The following TRPM2 variants were observed in gnomAD, a reference collection of about 807,000 sequenced individuals.
TRPM2 encodes the protein transient receptor potential cation channel subfamily M member 2, also known as estrogen-responsive element-associated gene 1 protein.
In TRPM2, 161 loss-of-function variants were observed where a neutral mutation model predicts 174.0. The ratio of observed to expected loss-of-function variants is 0.93; its 90% CI spans 0.81 to 1.05. The LOEUF is 1.05. TRPM2 is among the 50% of genes least tolerant of loss of function. The pLI is 0.00. For synonymous variants in TRPM2, 954 were observed against 861.3 expected, an observed-to-expected ratio of 1.11 and a Z score of -1.88; for missense variants, 2,057 against 2,038.0, an observed-to-expected ratio of 1.01 and a Z score of -0.18.
In TRPM2 at chr21:44,403,675, GCATA is replaced by G. The variant is rs1259814166; in HGVS notation, c.2539-1464_2539-1461del. Among the ~76,000 whole-genome samples the G allele has an allele frequency of 2.5e-4, 35 of 142,006 alleles. No individual in the cohort carries two copies. The East Asian group carries it at 7.0e-3, about 29-fold the overall frequency. 93.2% of individuals were successfully genotyped at this position (142,006 alleles called of 152,430 possible). On this transcript the variant is annotated intron_variant, in intron 16 of 31. Transcript: ENST00000397928. ...CATGCACACACATGCATACACACATGCATACACATACATGCACACATATACACAT... is the reference window on the plus strand; with the variant it reads ...CATGCACACACATGCATACACACATGCACATACATGCACACATATACACAT...
chr21:44,394,319 T>A (rs2049271881), intron 11 of TRPM2, among the ~76,000 whole-genome samples: 1 of 140,174 alleles, frequency 7.1e-6, no homozygotes, highest in Non-Finnish European at 1.5e-5. Flanking sequence ...ACACATTTCT[T>A]TTTTTTTTTT....
chr21:44,436,967 A>T (rs1475606110), intron 28 of TRPM2, 95 bp from the exon 29 acceptor site: 2 of 1,106,912 alleles, frequency 1.8e-6, no homozygotes, highest in African/African-American at 3.1e-5. Context: ...TGGGCCTGAC[A>T]CTGCCCCGCC....
chr21:44,382,211 CAT>C (rs977622372), intron 8 of TRPM2, among the ~76,000 whole-genome samples: 1 of 151,562 alleles, frequency 6.6e-6, no homozygotes, highest in African/African-American at 2.4e-5. Context: ...GAAACACACA[CAT>C]GGATGGATAG....
Position 44,398,058 on chromosome 21 carries a change from T to C in TRPM2, c.2062+182T>C, listed in dbSNP as rs186754548. 9.0e-4 allele frequency among the ~76,000 whole-genome samples: 137 copies of C among 152,282 alleles called. 1 individual carries two copies. The Middle Eastern group carries it at 0.01, about 11-fold the overall frequency. ...GAGTCTCGGCCCTGTAACCACCCAG[T>C]GGGTTCGTCTTGCCTGCTGCTCAGA... On this transcript the variant is annotated intron_variant, in intron 13 of 31. Transcript: ENST00000397928.
chr21:44,417,890 C>T (rs1569094192), intron 20 of TRPM2, 37 bp from the exon 21 acceptor site: 5 of 1,593,412 alleles, frequency 3.1e-6, no homozygotes, highest in Admixed American at 1.7e-5. Context: ...TGGGTAAACA[C>T]CCTGACCTCG....
intron 18 of TRPM2, 54 bp downstream of exon 18, chr21:44,406,091 C>CA (rs2049864491): frequency 3.8e-6 from 6 of 1,591,802 alleles, no homozygotes; most frequent in Non-Finnish European, 5.1e-6. Flanking sequence ...GGGTGGGCCT[C>CA]GGGGAGGGCA....
intron 8 of TRPM2, among the ~76,000 whole-genome samples, chr21:44,381,952 G>GGATAGATAGATA (rs71197895): frequency 9.8e-5 from 14 of 143,572 alleles, no homozygotes; most frequent in Admixed American, 2.8e-4. Context: ...ATAGATAGAT[G>GGATAGATAGATA]GATAGATAGA....
intron 23 of TRPM2, among the ~76,000 whole-genome samples, chr21:44,424,158 C>T (rs1276834993): frequency 6.6e-6 from 1 of 152,188 alleles, no homozygotes; most frequent in Non-Finnish European, 1.5e-5. Flanking sequence ...CTGTGCTGTC[C>T]AACAACAGCA....
Position 44,439,231 on chromosome 21 carries a change from T to C in TRPM2, c.4269+63T>C. On this transcript the variant is annotated intron_variant, in intron 30 of 31. Coordinates refer to ENST00000397928, the MANE Select transcript of TRPM2 (RefSeq NM_003307.4). This position sits in a 1 kb window ranked among gnomAD's most constrained non-coding sequence, Gnocchi z 5.1. ...CCCCAGGGCTGCAGGACAAACACAGTGTGATACTGGGGACCTGCCCCAGCA... is the reference window on the plus strand; with the variant it reads ...CCCCAGGGCTGCAGGACAAACACAGCGTGATACTGGGGACCTGCCCCAGCA... 2.0e-6 allele frequency: 3 copies of C among 1,478,846 alleles called. No homozygotes were observed. Among genetic ancestry groups the C allele is most frequent in the Non-Finnish European group, 2.8e-6 (3 of 1,062,980 alleles). The allele number at this position is 1,478,846 out of a possible 1,614,324, so 91.6% of individuals were successfully genotyped here. A position where few individuals can be genotyped will look rare whatever the true frequency, so the allele number is the denominator to read the frequency against.
chr21:44,386,379 G>A lies in TRPM2; in HGVS notation c.1318+3559G>A, dbSNP rs533088844. ...GCTGAGATCATGCCACTGCACTCCA[G>A]CCTGGGTGACAGCAAGACTCCGTTC... On this transcript the variant is annotated intron_variant, in intron 9 of 31. Transcript: ENST00000397928. Among the ~76,000 whole-genome samples the A allele has an allele frequency of 1.1e-4, 17 of 152,132 alleles. No homozygotes were observed. The South Asian group carries it at 3.5e-3, about 32-fold the overall frequency.
chr21:44,394,444 C>T (rs892702900), intron 11 of TRPM2, among the ~76,000 whole-genome samples: 10 of 151,506 alleles, frequency 6.6e-5, no homozygotes, highest in Admixed American at 1.3e-4. Context: ...CTCAGCCTTC[C>T]GAGTAGCTGG....
At chr21:44,407,316 G>C (rs976685163) in intron 19 of TRPM2, among the ~76,000 whole-genome samples, 1 of 149,060 alleles carries the variant, frequency 6.7e-6, no homozygotes, top group Admixed American at 6.8e-5. Flanking sequence ...TGTAGAGATG[G>C]GGGTTTCAGC....
chr21:44,354,874 G>C lies in TRPM2; in HGVS notation c.254+138G>C, dbSNP rs9978250. On this transcript the variant is annotated intron_variant, in intron 2 of 31. Coordinates refer to ENST00000397928, the MANE Select transcript of TRPM2 (RefSeq NM_003307.4). The surrounding 1 kb of genome is among the most constrained non-coding windows in gnomAD (Gnocchi z 4.3). ...CCTCTGTCTCCATACGAGGCTTAGA[G>C]TCCACAGAGCATTTCCACCTAACCC... 0.022 allele frequency: 16,704 copies of C among 752,742 alleles called. 1,366 individuals carry two copies. Among genetic ancestry groups the C allele is most frequent in the African/African-American group, 0.2 (11,704 of 57,296 alleles). The allele number at this position is 752,742 out of a possible 1,614,324, so 46.6% of individuals were successfully genotyped here.
chr21:44,428,347 G>C (rs1345948584), intron 27 of TRPM2, among the ~76,000 whole-genome samples: 1 of 152,104 alleles, frequency 6.6e-6, no homozygotes, highest in African/African-American at 2.4e-5. Context: ...TTCATTTCCT[G>C]CTAAGATCTG....
intron 29 of TRPM2, among the ~76,000 whole-genome samples, chr21:44,437,508 G>A (rs368868310): frequency 2.6e-5 from 4 of 152,102 alleles, no homozygotes; most frequent in East Asian, 3.9e-4. Flanking sequence ...CTCTTCTCCC[G>A]TGTCTCAGAC....
chr21:44,357,111 C>A (rs544281539), intron 2 of TRPM2, among the ~76,000 whole-genome samples: 1 of 152,146 alleles, frequency 6.6e-6, no homozygotes, highest in South Asian at 2.1e-4. Context: ...ATGCCTTAAC[C>A]GTCTGGGAAG....
Position 44,441,965 on chromosome 21 carries a change from G to C in TRPM2, c.*148G>C. Reference sequence around the variant, plus strand: ...GGACCCAGTGCCCCTCACGGCTGCCGCAAGTCTGCTGCAGATGACCTCATG... The same window carrying C: ...GGACCCAGTGCCCCTCACGGCTGCCCCAAGTCTGCTGCAGATGACCTCATG... On this transcript the variant is annotated 3_prime_UTR_variant, in exon 32 of 32. Coordinates refer to ENST00000397928, the MANE Select transcript of TRPM2 (RefSeq NM_003307.4). The C allele has an allele frequency of 8.3e-7, 1 of 1,201,006 alleles. No homozygotes were observed. Among genetic ancestry groups the C allele is most frequent in the Non-Finnish European group, 1.1e-6 (1 of 914,662 alleles). 74.4% of individuals were successfully genotyped at this position (1,201,006 alleles called of 1,614,324 possible).
intron 29 of TRPM2, among the ~76,000 whole-genome samples, chr21:44,437,434 G>T (rs1334021251): frequency 6.6e-6 from 1 of 152,196 alleles, no homozygotes; most frequent in Non-Finnish European, 1.5e-5. Flanking sequence ...GGCATGGGCT[G>T]GGCTGCGGCT....
intron 27 of TRPM2, among the ~76,000 whole-genome samples, chr21:44,433,044 G>A (rs2051084960): frequency 6.6e-6 from 1 of 152,160 alleles, no homozygotes; most frequent in African/African-American, 2.4e-5. Context: ...TGGGGTGGGG[G>A]CTGCGGTGGG....
Sources: allele counts gnomAD v4.1 joint callset (sites outside exome capture counted in the v4.1 genomes callset), GRCh38; gene constraint gnomAD v4.1.1; non-coding constraint Gnocchi (gnomAD v3.1); transcripts MANE v1.5; gene names NCBI Gene and HGNC (gene_info 2026-07-23, HGNC 2026-07-21).